NMNAT2: variants seen among roughly 807,000 people sequenced by gnomAD.
NMNAT2 encodes the protein nicotinamide/nicotinic acid mononucleotide adenylyltransferase 2.
NMNAT2 carries 11 observed loss-of-function variants against 41.6 expected under a neutral mutation model. The ratio of observed to expected loss-of-function variants is 0.26; its 90% CI spans 0.17 to 0.44. The LOEUF (loss-of-function observed/expected upper bound fraction) is 0.44. Among genes scored for constraint, NMNAT2 ranks in the 20% least tolerant of loss-of-function variants. The pLI, the probability that NMNAT2 is intolerant of heterozygous loss-of-function variation, is 1.00. For synonymous variants in NMNAT2, 148 were observed against 151.2 expected (o/e 0.98, Z 0.16); for missense variants, 288 against 407.7 (o/e 0.71, Z 2.53).
intron 1 of NMNAT2, among the ~76,000 whole-genome samples, chr1:183,382,449 A>G (rs933454539): frequency 1.3e-5 from 2 of 151,972 alleles, no homozygotes; most frequent in East Asian, 3.9e-4. Flanking sequence ...CTTTTCTACA[A>G]TCCCCCCAGT....
intron 1 of NMNAT2, among the ~76,000 whole-genome samples, chr1:183,406,220 T>C (rs1028114234): frequency 4.6e-5 from 7 of 152,142 alleles, no homozygotes; most frequent in African/African-American, 9.7e-5. Context: ...AATGAAGGTA[T>C]GTTTAAAGGG....
At chr1:183,356,098 T>G (rs73050011) in intron 1 of NMNAT2, among the ~76,000 whole-genome samples, 1,613 of 152,308 alleles carry the variant, frequency 0.011, 37 homozygotes, top group African/African-American at 0.037. Flanking sequence ...TTACCGTGTG[T>G]CTGACACTAT....
intron 1 of NMNAT2, among the ~76,000 whole-genome samples, chr1:183,373,767 G>T (rs571190891): frequency 6.6e-6 from 1 of 152,022 alleles, no homozygotes; most frequent in East Asian, 1.9e-4. Flanking sequence ...ACAGGCACAC[G>T]CAACCATGCC....
In NMNAT2 at chr1:183,326,642, T is replaced by G. The variant is rs56098330; in HGVS notation, c.86-32849A>C. Among the ~76,000 whole-genome samples, 1,397 of 152,140 alleles carry G rather than the reference T, an allele frequency of 9.2e-3. 17 individuals are homozygous for G. The highest frequency in any genetic ancestry group is 0.032 in the African/African-American group (1,334 of 41,468). On this transcript the variant is annotated intron_variant, in intron 1 of 10. Transcript: ENST00000287713. ...AATAGGCACCATATCATGTTGGGTG[T>G]GCTCTAAGGGAAAAAGAAGTCATTG...
Position 183,415,335 on chromosome 1 carries a change from A to G in NMNAT2, c.85+2848T>C, listed in dbSNP as rs188802542. 7.8e-4 allele frequency among the ~76,000 whole-genome samples: 119 copies of G among 152,306 alleles called. 1 individual carries two copies. Among genetic ancestry groups the G allele is most frequent in the African/African-American group, 2.8e-3 (115 of 41,568 alleles). ...TTATTTCCGTGTTGTCACAGAGAAA[A>G]TTTTTAAAGCAATTTAAAAGGAGGA... On this transcript the variant is annotated intron_variant, in intron 1 of 10. Transcript: ENST00000287713.
rs745789802 is a variant in NMNAT2 at position 183,418,144 on chromosome 1, G to A, written c.85+39C>T. 5.7e-6 allele frequency: 9 copies of A among 1,570,580 alleles called. No homozygotes were observed. The South Asian group carries it at 1.0e-4, about 17-fold the overall frequency. On this transcript the variant is annotated intron_variant, in intron 1 of 10. Transcript: ENST00000287713. The stretch of plus-strand genomic sequence containing the variant: ...AACACAGGTGCCTGGGAAAGGAGAG[G>A]AGCGGAAGCGGCTTCCAGAGGTGGG...
chr1:183,304,669 C>T lies in NMNAT2; in HGVS notation c.86-10876G>A. On this transcript the variant is annotated intron_variant, in intron 1 of 10. Coordinates refer to ENST00000287713, the MANE Select transcript of NMNAT2 (RefSeq NM_015039.4). ...ATGTGCCTCAGGCTGTCTGAACTCA[C>T]CTGAGAGAGTAACAAACACTTCCCA... 1 of 1,613,986 alleles carries T rather than the reference C, an allele frequency of 6.2e-7. No homozygotes were observed. Among genetic ancestry groups the T allele is most frequent in the South Asian group, 1.1e-5 (1 of 91,084 alleles).
intron 10 of NMNAT2, among the ~76,000 whole-genome samples, chr1:183,259,668 C>T (rs934944446): frequency 7.2e-5 from 11 of 152,082 alleles, no homozygotes; most frequent in South Asian, 4.1e-4. Context: ...GGCGCGATCT[C>T]GGCTCACTGC....
At chr1:183,360,326 C>A (rs1350682301) in intron 1 of NMNAT2, among the ~76,000 whole-genome samples, 1 of 152,132 alleles carries the variant, frequency 6.6e-6, no homozygotes, top group Non-Finnish European at 1.5e-5. Context: ...AAGATGGAAG[C>A]TGCACAGCCT....
chr1:183,258,399 A>C (rs1452274936), intron 10 of NMNAT2, among the ~76,000 whole-genome samples: 1 of 152,156 alleles, frequency 6.6e-6, no homozygotes, highest in Non-Finnish European at 1.5e-5. Context: ...TGACTGAGGC[A>C]GTGAAAGAGA....
intron 1 of NMNAT2, among the ~76,000 whole-genome samples, chr1:183,348,610 G>A (rs1195166233): frequency 1.3e-5 from 2 of 152,204 alleles, no homozygotes; most frequent in African/African-American, 4.8e-5. Flanking sequence ...GCAGCCCAGT[G>A]TTTGGAGATT....
intron 10 of NMNAT2, among the ~76,000 whole-genome samples, chr1:183,256,093 T>A (rs541074748): frequency 6.6e-6 from 1 of 152,184 alleles, no homozygotes; most frequent in East Asian, 1.9e-4. Flanking sequence ...ATGTTAGCTG[T>A]GGGTTTTTTA....
At chr1:183,375,115 C>T (rs1274337183) in intron 1 of NMNAT2, among the ~76,000 whole-genome samples, 1 of 152,172 alleles carries the variant, frequency 6.6e-6, no homozygotes, top group Non-Finnish European at 1.5e-5. Context: ...CTAACTCATG[C>T]CCCTACCCCC....
At chr1:183,293,997 A>G (rs1358615034) in intron 1 of NMNAT2, among the ~76,000 whole-genome samples, 2 of 152,160 alleles carry the variant, frequency 1.3e-5, no homozygotes, top group Admixed American at 1.3e-4. Flanking sequence ...AAGCAAAAGG[A>G]TTTAGAACTC....
At chr1:183,380,266 C>T (rs1246339997) in intron 1 of NMNAT2, among the ~76,000 whole-genome samples, 1 of 152,098 alleles carries the variant, frequency 6.6e-6, no homozygotes, top group Non-Finnish European at 1.5e-5. Context: ...TTAATGCTAA[C>T]CTTACCCCTG....
chr1:183,378,673 T>C (rs935474206), intron 1 of NMNAT2, among the ~76,000 whole-genome samples: 26 of 152,204 alleles, frequency 1.7e-4, no homozygotes, highest in Non-Finnish European at 3.4e-4. Flanking sequence ...ATAGAAATCA[T>C]TGAGGAAGGT....
chr1:183,348,181 TAAAACAGTC>T (rs1662972458), intron 1 of NMNAT2, among the ~76,000 whole-genome samples: 1 of 152,220 alleles, frequency 6.6e-6, no homozygotes, highest in Admixed American at 6.5e-5. Flanking sequence ...GAATTTTAGT[TAAAACAGTC>T]AACCCAGCAA....
intron 1 of NMNAT2, among the ~76,000 whole-genome samples, chr1:183,295,845 C>A (rs552462831): frequency 5.3e-5 from 8 of 152,148 alleles, no homozygotes; most frequent in African/African-American, 1.7e-4. Flanking sequence ...GGCTCGATAG[C>A]TCATTTCTTT....
At chr1:183,361,874 G>A (rs1490741707) in intron 1 of NMNAT2, among the ~76,000 whole-genome samples, 1 of 152,136 alleles carries the variant, frequency 6.6e-6, no homozygotes, top group Non-Finnish European at 1.5e-5. Flanking sequence ...TTTTTCCTAG[G>A]TATGGCTACC....
Sources: allele counts gnomAD v4.1 joint callset (sites outside exome capture counted in the v4.1 genomes callset), GRCh38; gene constraint gnomAD v4.1.1; transcripts MANE v1.5; gene names NCBI Gene and HGNC (gene_info 2026-07-23, HGNC 2026-07-21).